Variants in ALK observed in about 807,000 individuals in gnomAD.
The protein encoded by ALK is ALK receptor tyrosine kinase.
ALK carries 74 observed loss-of-function variants against 163.1 expected under a neutral mutation model. The observed-to-expected ratio is 0.45, with a 90% CI of 0.38 to 0.55. The LOEUF is 0.55. ALK is among the 20% of genes least tolerant of loss of function. The probability of loss-of-function intolerance (pLI) is 0.00; values close to 1 mark genes in which losing one functional copy is unlikely to be tolerated. For missense variants in ALK, 2,063 were observed against 2,105.3 expected (o/e 0.98, Z 0.39); for synonymous variants, 960 against 843.2 (o/e 1.14, Z -2.40).
chr2:29,412,047 C>T (rs998148258), intron 4 of ALK, among the ~76,000 whole-genome samples: 3 of 152,194 alleles, frequency 2.0e-5, no homozygotes, highest in African/African-American at 4.8e-5. Context: ...CAGCAATAGC[C>T]TGTCCAGGTA....
At chr2:29,386,473 G>C (rs569372459) in intron 4 of ALK, among the ~76,000 whole-genome samples, 1 of 152,162 alleles carries the variant, frequency 6.6e-6, no homozygotes, top group Non-Finnish European at 1.5e-5. Context: ...AAAAAGAGCC[G>C]AATTTGTCTT....
At chr2:29,264,969 C>T (rs1015014728) in intron 11 of ALK, among the ~76,000 whole-genome samples, 21 of 152,204 alleles carry the variant, frequency 1.4e-4, no homozygotes, top group Middle Eastern at 3.4e-3. Context: ...CACACTCATA[C>T]ATGCATGCAT....
intron 5 of ALK, among the ~76,000 whole-genome samples, chr2:29,339,242 CAAA>C (rs35376835): frequency 7.4e-6 from 1 of 135,134 alleles, no homozygotes; most frequent in Non-Finnish European, 1.6e-5. Flanking sequence ...GACTCTATCT[CAAA>C]AAAAAAAAAA....
intron 4 of ALK, among the ~76,000 whole-genome samples, chr2:29,450,926 G>A (rs1178522969): frequency 6.6e-6 from 1 of 152,100 alleles, no homozygotes; most frequent in Non-Finnish European, 1.5e-5. Context: ...GAGTCCGTGG[G>A]GGCGGGGCTC....
At chr2:29,649,257 T>C (rs1488899246) in intron 3 of ALK, among the ~76,000 whole-genome samples, 2 of 150,908 alleles carry the variant, frequency 1.3e-5, no homozygotes, top group Non-Finnish European at 2.9e-5. Context: ...TGCGTGCGTG[T>C]GTGTGTGTGT....
chr2:29,363,445 T>C (rs905222394), intron 5 of ALK, among the ~76,000 whole-genome samples: 2 of 152,202 alleles, frequency 1.3e-5, no homozygotes, highest in African/African-American at 2.4e-5. Context: ...GACTTGAAAG[T>C]GTAGGTAGAA....
At chr2:29,830,973 GAA>G (rs1665369519) in intron 1 of ALK, among the ~76,000 whole-genome samples, 2 of 44,220 alleles carry the variant, frequency 4.5e-5, no homozygotes, top group African/African-American at 1.6e-4. Context: ...AGAAGAAGAA[GAA>G]GAAGAAGAAG....
intron 4 of ALK, among the ~76,000 whole-genome samples, chr2:29,511,337 G>C (rs1573415950): frequency 6.6e-6 from 1 of 152,268 alleles, no homozygotes; most frequent in East Asian, 1.9e-4. Flanking sequence ...TCTGTCATTA[G>C]AGATTAGTAG....
intron 1 of ALK, among the ~76,000 whole-genome samples, chr2:29,815,730 G>A (rs1161409741): frequency 1.3e-5 from 2 of 152,170 alleles, no homozygotes; most frequent in Admixed American, 1.3e-4. Flanking sequence ...TTGGCCAGAT[G>A]CCTCCTCGTA....
intron 3 of ALK, among the ~76,000 whole-genome samples, chr2:29,670,131 C>A (rs1677637544): frequency 6.6e-6 from 1 of 151,918 alleles, no homozygotes; most frequent in South Asian, 2.1e-4. Context: ...AAATGTTTTT[C>A]TTTTGCATGT....
chr2:29,579,185 C>CA (rs1200173433), intron 3 of ALK, among the ~76,000 whole-genome samples: 1 of 152,248 alleles, frequency 6.6e-6, no homozygotes, highest in African/African-American at 2.4e-5. Flanking sequence ...AGCCTTGACA[C>CA]TGTGGCCAAT....
chr2:29,807,790 G>T (rs555176401), intron 1 of ALK, among the ~76,000 whole-genome samples: 1 of 152,146 alleles, frequency 6.6e-6, no homozygotes, highest in Admixed American at 6.5e-5. Flanking sequence ...TTGTTGTTAT[G>T]GCATCTCACT....
chr2:29,874,556 G>A (rs963441108), intron 1 of ALK, among the ~76,000 whole-genome samples: 101 of 152,294 alleles, frequency 6.6e-4, no homozygotes, highest in African/African-American at 2.3e-3. Context: ...AAATACTACT[G>A]ATGTTGTTCA....
chr2:29,236,742 C>G (rs1664396378), intron 13 of ALK, among the ~76,000 whole-genome samples: 1 of 152,222 alleles, frequency 6.6e-6, no homozygotes, highest in African/African-American at 2.4e-5. Flanking sequence ...GGTTCCTCTT[C>G]TTTTCCTGAC....
intron 4 of ALK, among the ~76,000 whole-genome samples, chr2:29,409,756 T>C (rs1185283928): frequency 6.6e-6 from 1 of 152,180 alleles, no homozygotes; most frequent in Non-Finnish European, 1.5e-5. Flanking sequence ...ATCTGTGTCC[T>C]TGATTCCTAG....
intron 3 of ALK, among the ~76,000 whole-genome samples, chr2:29,548,427 C>T (rs1048773100): frequency 6.6e-6 from 1 of 151,034 alleles, no homozygotes; most frequent in Non-Finnish European, 1.5e-5. Context: ...GAGCCAAGAT[C>T]ATGCCACTGC....
At chr2:29,555,245 A>G (rs1404850727) in intron 3 of ALK, among the ~76,000 whole-genome samples, 3 of 151,960 alleles carry the variant, frequency 2.0e-5, no homozygotes, top group African/African-American at 7.2e-5. Context: ...TGTCTCTCCA[A>G]TTCCCCATAG....
In ALK at chr2:29,579,066, G is replaced by T. The variant is rs1390835143; in HGVS notation, c.953-46950C>A. 2.6e-5 allele frequency among the ~76,000 whole-genome samples: 4 copies of T among 152,220 alleles called. No individual in the cohort carries two copies. In the East Asian group the frequency reaches 7.7e-4, roughly 29 times the overall value. On this transcript the variant is annotated intron_variant, in intron 3 of 28. Transcript: ENST00000389048. Reference sequence around the variant, plus strand: ...CACTTTGATGTTCTGGAGAGCACCTGGCTTGCCAGGCCCTTTCTTCAGCAT... The same window carrying T: ...CACTTTGATGTTCTGGAGAGCACCTTGCTTGCCAGGCCCTTTCTTCAGCAT...
At chr2:29,325,515 G>T (rs1667227014) in intron 6 of ALK, among the ~76,000 whole-genome samples, 1 of 152,200 alleles carries the variant, frequency 6.6e-6, no homozygotes, top group African/African-American at 2.4e-5. Context: ...CCCAGAGAAA[G>T]GCGGTAGCAG....
Sources: gnomAD v4.1 joint callset for allele counts (sites outside exome capture counted in the v4.1 genomes callset) on GRCh38, gnomAD v4.1.1 for gene constraint, MANE v1.5 for transcripts, NCBI Gene and HGNC (gene_info 2026-07-23, HGNC 2026-07-21) for gene names.